The following CPNE4 variants were observed in gnomAD, a reference collection of about 807,000 sequenced individuals.
The protein encoded by CPNE4 is copine-4.
In CPNE4, 25 loss-of-function variants were observed where a neutral mutation model predicts 67.9. The ratio of observed to expected loss-of-function variants is 0.37; its 90% CI spans 0.27 to 0.51. The LOEUF (loss-of-function observed/expected upper bound fraction) is 0.51. Ranked by LOEUF, CPNE4 falls within the 20% of genes least tolerant of loss-of-function variation. The pLI is 0.93. For missense variants in CPNE4, 464 were observed against 690.8 expected, an observed-to-expected ratio of 0.67 and a Z score of 3.68; for synonymous variants, 242 against 244.9, an observed-to-expected ratio of 0.99 and a Z score of 0.11.
chr3:131,623,375 C>T (rs1940579368), intron 7 of CPNE4, among the ~76,000 whole-genome samples: 1 of 152,086 alleles, frequency 6.6e-6, no homozygotes, highest in Non-Finnish European at 1.5e-5. Context: ...AATGTTCTAT[C>T]TCCCCTCCCT....
intron 1 of CPNE4, among the ~76,000 whole-genome samples, chr3:131,971,982 T>C (rs17298077): frequency 0.08 from 12,161 of 152,224 alleles, 572 homozygotes; most frequent in Middle Eastern, 0.12. Context: ...TAATGAATGT[T>C]TACAGAAAGA....
chr3:131,766,798 A>G (rs2107824855), intron 2 of CPNE4, among the ~76,000 whole-genome samples: 1 of 152,224 alleles, frequency 6.6e-6, no homozygotes, highest in East Asian at 1.9e-4. Flanking sequence ...CTCAGTTCTA[A>G]GATGCACAGT....
intron 1 of CPNE4, among the ~76,000 whole-genome samples, chr3:132,009,922 A>G (rs1299367468): frequency 2.6e-5 from 4 of 152,194 alleles, no homozygotes; most frequent in Admixed American, 2.6e-4. Context: ...TAGCCACACA[A>G]ATGATTCTAG....
intron 2 of CPNE4, among the ~76,000 whole-genome samples, chr3:131,834,908 G>A (rs575741876): frequency 6.6e-6 from 1 of 152,262 alleles, no homozygotes; most frequent in Admixed American, 6.5e-5. Context: ...AAGGACATGA[G>A]TAAGTAATTA....
At chr3:131,926,526 G>GA (rs2070900343) in intron 1 of CPNE4, among the ~76,000 whole-genome samples, 1 of 152,092 alleles carries the variant, frequency 6.6e-6, no homozygotes, top group South Asian at 2.1e-4. Context: ...AGTAAAACAA[G>GA]AAAAGTTTCT....
chr3:131,753,186 T>C (rs1401119696), intron 2 of CPNE4, among the ~76,000 whole-genome samples: 1 of 151,910 alleles, frequency 6.6e-6, no homozygotes, highest in Admixed American at 6.6e-5. Flanking sequence ...AAATAAATTA[T>C]GTAATAAGTC....
intron 2 of CPNE4, among the ~76,000 whole-genome samples, chr3:131,821,798 T>A (rs1197606637): frequency 1.3e-5 from 2 of 152,230 alleles, no homozygotes; most frequent in East Asian, 3.8e-4. Flanking sequence ...TGTAGTCTTA[T>A]GCTGTCCAAA....
intron 7 of CPNE4, among the ~76,000 whole-genome samples, chr3:131,657,828 T>A (rs1033128860): frequency 6.6e-6 from 1 of 151,758 alleles, no homozygotes; most frequent in African/African-American, 2.4e-5. Context: ...CCTTCCAAAG[T>A]GCTGGGATTA....
At position 131,669,739 on chromosome 3, in the gene CPNE4, G is replaced by T. The variant is rs943467082; in HGVS notation, c.617C>A (p.Ala206Asp). 1.7e-5 allele frequency: 27 copies of T among 1,613,612 alleles called. No homozygotes were observed. Among genetic ancestry groups the T allele is most frequent in the Non-Finnish European group, 2.1e-5 (25 of 1,179,762 alleles). ...TEVVMNNLSPAWKSFKVSVNS... is the reference protein window; with the variant it reads ...TEVVMNNLSPDWKSFKVSVNS... The stretch of plus-strand genomic sequence containing the variant: ...TACAGATACTTTGAATGATTTCCAG[G>T]CTGGGCTTAAGTTATTCATCACAAC... The change falls in exon 7 of 16, where the codon GCC becomes GAC. Residue 206 changes from alanine (A) to aspartate (D), a missense_variant. Ala to Asp is a moderately radical substitution (Grantham distance 126). Coordinates refer to ENST00000429747, the MANE Select transcript of CPNE4 (RefSeq NM_130808.3).
upstream of CPNE4, among the ~76,000 whole-genome samples, chr3:132,038,644 G>T (rs546218497): frequency 1.3e-5 from 2 of 152,220 alleles, no homozygotes; most frequent in South Asian, 4.1e-4. Flanking sequence ...ATTGTAAAAA[G>T]AAAGTATTTG....
intron 7 of CPNE4, among the ~76,000 whole-genome samples, chr3:131,605,277 T>C (rs913861772): frequency 6.6e-6 from 1 of 152,150 alleles, no homozygotes; most frequent in African/African-American, 2.4e-5. Flanking sequence ...ATTTATTTAA[T>C]AATTTTAACT....
chr3:131,589,463 C>A (rs1938398379), intron 7 of CPNE4, among the ~76,000 whole-genome samples: 1 of 152,214 alleles, frequency 6.6e-6, no homozygotes, highest in South Asian at 2.1e-4. Flanking sequence ...GTGCTAGCAG[C>A]CGATTGGATA....
At chr3:131,980,654 C>T (rs1384135508) in intron 1 of CPNE4, among the ~76,000 whole-genome samples, 1 of 152,198 alleles carries the variant, frequency 6.6e-6, no homozygotes, top group Middle Eastern at 3.4e-3. Context: ...TCTGGTCCCT[C>T]CCTGATTAGC....
At chr3:131,622,018 C>CAAAAAAAAAAAAAAAAAA (rs34415771) in intron 7 of CPNE4, among the ~76,000 whole-genome samples, 31 of 57,886 alleles carry the variant, frequency 5.4e-4, no homozygotes, top group East Asian at 8.5e-4. Context: ...GACCCTGTCT[C>CAAAAAAAAAAAAAAAAAA]AAAAAAAAAA....
intron 7 of CPNE4, among the ~76,000 whole-genome samples, chr3:131,640,325 A>G (rs1383994825): frequency 2.0e-5 from 3 of 152,150 alleles, no homozygotes; most frequent in African/African-American, 7.2e-5. Flanking sequence ...AGGACACAAA[A>G]TTAATGGATA....
At chr3:131,989,140 G>T (rs1330592175) in intron 1 of CPNE4, among the ~76,000 whole-genome samples, 2 of 152,186 alleles carry the variant, frequency 1.3e-5, no homozygotes, top group Non-Finnish European at 2.9e-5. Flanking sequence ...TGACTCTCAG[G>T]TGCCACACAA....
intron 2 of CPNE4, among the ~76,000 whole-genome samples, chr3:131,843,142 T>G (rs553868566): frequency 6.6e-6 from 1 of 152,244 alleles, no homozygotes; most frequent in South Asian, 2.1e-4. Context: ...TGACAATAAT[T>G]AAAATTCAGA....
chr3:131,853,896 G>A (rs999871922), intron 2 of CPNE4, among the ~76,000 whole-genome samples: 6 of 151,782 alleles, frequency 4.0e-5, no homozygotes, highest in African/African-American at 7.3e-5. Flanking sequence ...ATCAAATGCT[G>A]GCATGCATGT....
chr3:131,903,456 T>G (rs2088626437), intron 2 of CPNE4, among the ~76,000 whole-genome samples: 1 of 151,796 alleles, frequency 6.6e-6, no homozygotes, highest in South Asian at 2.1e-4. Flanking sequence ...ATCCAATTTG[T>G]TTGGATTTTT....
Sources: gnomAD v4.1 joint callset for allele counts (sites outside exome capture counted in the v4.1 genomes callset) on GRCh38, gnomAD v4.1.1 for gene constraint, MANE v1.5 for transcripts, NCBI Gene and HGNC (gene_info 2026-07-23, HGNC 2026-07-21) for gene names.